The following SLCO3A1 variants were observed in gnomAD, a reference collection of about 807,000 sequenced individuals.
The protein encoded by SLCO3A1 is solute carrier organic anion transporter family member 3A1.
In SLCO3A1, 27 loss-of-function variants were observed where a neutral mutation model predicts 63.1. That is an observed-to-expected ratio of 0.43 (90% confidence interval 0.32 to 0.59). SLCO3A1 has a LOEUF of 0.59. Among genes scored for constraint, SLCO3A1 ranks in the 20% least tolerant of loss-of-function variants. SLCO3A1 has a pLI of 0.09. For missense variants in SLCO3A1, 773 were observed against 945.8 expected, an observed-to-expected ratio of 0.82 and a Z score of 2.40; for synonymous variants, 473 against 409.9, an observed-to-expected ratio of 1.15 and a Z score of -1.86.
Position 92,165,092 on chromosome 15 carries a change from G to A in SLCO3A1, c.*1957G>A, listed in dbSNP as rs1042297147. ...TGGTACCGAATTTTTAATGAACATT[G>A]TAAATGAAGAGGCTTGAATGACAGC... On this transcript the variant is annotated 3_prime_UTR_variant, in exon 10 of 10. Transcript: ENST00000318445. 2.0e-6 allele frequency: 2 copies of A among 985,258 alleles called. No homozygotes were observed. The highest frequency in any genetic ancestry group is 3.5e-5 in the African/African-American group (2 of 57,250). The allele number at this position is 985,258 out of a possible 1,614,324, so 61.0% of individuals were successfully genotyped here. A position where few individuals can be genotyped will look rare whatever the true frequency, so the allele number is the denominator to read the frequency against.
rs1394497867 is a variant in SLCO3A1, at chr15:92,033,718, G to C, written c.647-61163G>C. Among the ~76,000 whole-genome samples, 1 of 152,160 alleles carries C rather than the reference G, an allele frequency of 6.6e-6. No homozygotes were observed. Among genetic ancestry groups the C allele is most frequent in the African/African-American group, 2.4e-5 (1 of 41,436 alleles). On this transcript the variant is annotated intron_variant, in intron 2 of 9. Coordinates refer to ENST00000318445, the MANE Select transcript of SLCO3A1 (RefSeq NM_013272.4). This position sits in a 1 kb window ranked among gnomAD's most constrained non-coding sequence, Gnocchi z 4.5. ...AAGAAGAGTAGGTGGTGGCTCGCTG[G>C]TGGCAAAAAAGACGGGGATAGGAGT...
At chr15:92,112,877 C>G (rs1302606901) in intron 4 of SLCO3A1, among the ~76,000 whole-genome samples, 1 of 152,194 alleles carries the variant, frequency 6.6e-6, no homozygotes, top group Non-Finnish European at 1.5e-5. Context: ...CCCACTGTTT[C>G]TTTTATGAAT....
chr15:91,997,163 C>CA, intron 2 of SLCO3A1, among the ~76,000 whole-genome samples: 1 of 152,290 alleles, frequency 6.6e-6, no homozygotes, highest in South Asian at 2.1e-4. Flanking sequence ...TTTCAGGATG[C>CA]AAAATCAATG....
At chr15:91,890,893 T>G (rs1897853133) in intron 1 of SLCO3A1, among the ~76,000 whole-genome samples, 1 of 152,178 alleles carries the variant, frequency 6.6e-6, no homozygotes, top group Non-Finnish European at 1.5e-5. Flanking sequence ...CATTGCTGGG[T>G]GGGGACTGCC....
rs1194082816 is a variant in SLCO3A1 at position 91,897,589 on chromosome 15, G to A, written c.181-18404G>A. 2.6e-5 allele frequency among the ~76,000 whole-genome samples: 4 copies of A among 152,166 alleles called. No homozygotes were observed. In the East Asian group the frequency reaches 7.7e-4, roughly 29 times the overall value. ...TCTGATTTCTGACAGTTTCTTTTGTGCTGGTGCCTTTGACTATCTCAAAAC... is the reference window on the plus strand; with the variant it reads ...TCTGATTTCTGACAGTTTCTTTTGTACTGGTGCCTTTGACTATCTCAAAAC... On this transcript the variant is annotated intron_variant, in intron 1 of 9. Coordinates refer to ENST00000318445, the MANE Select transcript of SLCO3A1 (RefSeq NM_013272.4). The surrounding 1 kb of genome is among the most constrained non-coding windows in gnomAD (Gnocchi z 4.7).
In SLCO3A1 at chr15:91,996,844, G is replaced by T. The variant is rs552528603; in HGVS notation, c.646+80386G>T. On this transcript the variant is annotated intron_variant, in intron 2 of 9. Coordinates refer to ENST00000318445, the MANE Select transcript of SLCO3A1 (RefSeq NM_013272.4). Reference sequence around the variant, plus strand: ...TACCACAGTATAAATATATCTAGATGGTTAACATCCTGAGTATGAAAAGCC... The same window carrying T: ...TACCACAGTATAAATATATCTAGATTGTTAACATCCTGAGTATGAAAAGCC... Among the ~76,000 whole-genome samples, 9 of 152,118 alleles carry T rather than the reference G, an allele frequency of 5.9e-5. No individual in the cohort carries two copies. In the South Asian group the frequency reaches 1.9e-3, roughly 32 times the overall value.
intron 2 of SLCO3A1, among the ~76,000 whole-genome samples, chr15:91,994,178 A>T (rs2046162037): frequency 6.6e-6 from 1 of 152,204 alleles, no homozygotes. Context: ...CATAGTCTTT[A>T]TGTGTGCCAG....
intron 1 of SLCO3A1, among the ~76,000 whole-genome samples, chr15:91,909,013 G>T (rs1165115277): frequency 6.6e-6 from 1 of 152,184 alleles, no homozygotes; most frequent in Non-Finnish European, 1.5e-5. Flanking sequence ...GTGAGCCGAG[G>T]TCGCGCCATT....
At chr15:92,090,018 A>G (rs28445271) in intron 2 of SLCO3A1, among the ~76,000 whole-genome samples, 4 of 152,220 alleles carry the variant, frequency 2.6e-5, no homozygotes, top group African/African-American at 9.6e-5. Flanking sequence ...CTCGAAAACC[A>G]TGATACGTAT....
rs1897737964 is a variant in SLCO3A1, at chr15:91,886,895, AC to A, written c.181-29094del. ...TGCAATTTGTATATTATCATTCAGA[AC>A]CCCAGGCTCAGGAGGTTAAAAATTC... On this transcript the variant is annotated intron_variant, in intron 1 of 9. Coordinates refer to ENST00000318445, the MANE Select transcript of SLCO3A1 (RefSeq NM_013272.4). The surrounding 1 kb of genome is among the most constrained non-coding windows in gnomAD (Gnocchi z 4.9). Among the ~76,000 whole-genome samples the A allele has an allele frequency of 6.6e-6, 1 of 152,106 alleles. No homozygotes were observed. Among genetic ancestry groups the A allele is most frequent in the Non-Finnish European group, 1.5e-5 (1 of 68,028 alleles).
At chr15:92,068,545 G>A in intron 2 of SLCO3A1, among the ~76,000 whole-genome samples, 2 of 152,260 alleles carry the variant, frequency 1.3e-5, no homozygotes, top group East Asian at 1.9e-4. Context: ...TTACTCTCAA[G>A]TTTAAGTTTC....
intron 2 of SLCO3A1, among the ~76,000 whole-genome samples, chr15:91,947,490 G>T (rs899167558): frequency 1.3e-5 from 2 of 152,186 alleles, no homozygotes; most frequent in Non-Finnish European, 2.9e-5. Context: ...CTCTGCTCTG[G>T]AGTGTTTTTG....
chr15:91,971,663 C>T (rs1038667477), intron 2 of SLCO3A1, among the ~76,000 whole-genome samples: 15 of 152,012 alleles, frequency 9.9e-5, no homozygotes, highest in Non-Finnish European at 1.6e-4. Context: ...TTGCCATGAG[C>T]TCCATGTTAA....
chr15:92,158,747 AG>A (rs1177698767), intron 9 of SLCO3A1, among the ~76,000 whole-genome samples: 1 of 152,246 alleles, frequency 6.6e-6, no homozygotes, highest in Non-Finnish European at 1.5e-5. Context: ...AGAATGGCAG[AG>A]GCCTCTAACA....
At chr15:91,918,816 T>G (rs1898745888) in intron 2 of SLCO3A1, among the ~76,000 whole-genome samples, 1 of 152,130 alleles carries the variant, frequency 6.6e-6, no homozygotes, top group Non-Finnish European at 1.5e-5. Flanking sequence ...AGGAGGAAAG[T>G]CTCAAGGGAC....
At chr15:92,103,216 A>G (rs1388538646) in intron 3 of SLCO3A1, among the ~76,000 whole-genome samples, 1 of 152,016 alleles carries the variant, frequency 6.6e-6, no homozygotes, top group Non-Finnish European at 1.5e-5. Context: ...TACCTCATAC[A>G]CCATTGCCCA....
At chr15:92,123,412 A>C (rs1256063525) in intron 5 of SLCO3A1, among the ~76,000 whole-genome samples, 1 of 152,134 alleles carries the variant, frequency 6.6e-6, no homozygotes, top group Non-Finnish European at 1.5e-5. Flanking sequence ...TGTCTCGAAA[A>C]ATAAAATAAA....
In SLCO3A1 at chr15:91,948,644, C is replaced by G. The variant is rs1197905449; in HGVS notation, c.646+32186C>G. The stretch of plus-strand genomic sequence containing the variant: ...CCTGCATGGGCCACTCTCTGGTGCC[C>G]TGTGTTTACAGACATGAGGGCTGGG... On this transcript the variant is annotated intron_variant, in intron 2 of 9. Coordinates refer to ENST00000318445, the MANE Select transcript of SLCO3A1 (RefSeq NM_013272.4). The surrounding 1 kb of genome is among the most constrained non-coding windows in gnomAD (Gnocchi z 4.8). Among the ~76,000 whole-genome samples the G allele has an allele frequency of 6.6e-6, 1 of 152,194 alleles. No homozygotes were observed. The highest frequency in any genetic ancestry group is 2.4e-5 in the African/African-American group (1 of 41,436).
intron 2 of SLCO3A1, among the ~76,000 whole-genome samples, chr15:92,027,424 G>C (rs138987925): frequency 6.6e-6 from 1 of 152,140 alleles, no homozygotes; most frequent in African/African-American, 2.4e-5. Flanking sequence ...TACCGTCATC[G>C]TTTTTTTCGA....
Sources: gnomAD v4.1 joint callset for allele counts (sites outside exome capture counted in the v4.1 genomes callset) on GRCh38, gnomAD v4.1.1 for gene constraint, Gnocchi (gnomAD v3.1) non-coding constraint, MANE v1.5 for transcripts, NCBI Gene and HGNC (gene_info 2026-07-23, HGNC 2026-07-21) for gene names.